Variants in CYP7B1 observed in about 807,000 individuals in gnomAD.
CYP7B1 encodes cytochrome P450 family 7 subfamily B member 1, also known as cytochrome P450 7B1.
CYP7B1 carries 29 observed loss-of-function variants against 42.7 expected under a neutral mutation model. That is an observed-to-expected ratio of 0.68 (90% confidence interval 0.51 to 0.93). The LOEUF (loss-of-function observed/expected upper bound fraction) is 0.93. Ranked by LOEUF, CYP7B1 falls within the 40% of genes least tolerant of loss-of-function variation. The pLI is 0.00. For synonymous variants in CYP7B1, 235 were observed against 218.2 expected, an observed-to-expected ratio of 1.08 and a Z score of -0.68; for missense variants, 655 against 600.5, an observed-to-expected ratio of 1.09 and a Z score of -0.95.
chr8:64,735,543 G>A (rs956609743), intron 1 of CYP7B1, among the ~76,000 whole-genome samples: 4 of 151,974 alleles, frequency 2.6e-5, no homozygotes, highest in South Asian at 4.2e-4. Flanking sequence ...TTCAGCTGAC[G>A]GTGATATTTA....
rs116912422 is a variant in CYP7B1 at position 64,796,426 on chromosome 8, G to A, written c.122+2040C>T. ...GAAAATTTGGGATAAAAATGAAGCT[G>A]CATTTTCTTTATGTATCAGATTGGC... On this transcript the variant is annotated intron_variant, in intron 1 of 5. Transcript: ENST00000310193. 8.2e-3 allele frequency among the ~76,000 whole-genome samples: 1,244 copies of A among 152,250 alleles called. 8 individuals are homozygous for A. Among genetic ancestry groups the A allele is most frequent in the South Asian group, 0.028 (137 of 4,820 alleles).
At chr8:64,641,751 G>A (rs1022262476) in intron 1 of CYP7B1, among the ~76,000 whole-genome samples, 1 of 152,098 alleles carries the variant, frequency 6.6e-6, no homozygotes, top group Non-Finnish European at 1.5e-5. Context: ...CTCTTTGGCT[G>A]ATGAACTGTT....
intron 1 of CYP7B1, among the ~76,000 whole-genome samples, chr8:64,632,130 C>T (rs1462055640): frequency 6.6e-6 from 1 of 152,072 alleles, no homozygotes; most frequent in African/African-American, 2.4e-5. Flanking sequence ...TTCTAGTGTT[C>T]TTGAAGGGCT....
chr8:64,766,063 T>C (rs1386817463), intron 1 of CYP7B1, among the ~76,000 whole-genome samples: 1 of 152,102 alleles, frequency 6.6e-6, no homozygotes, highest in Non-Finnish European at 1.5e-5. Context: ...AGGTCAATGA[T>C]AGGATGACAA....
intron 1 of CYP7B1, among the ~76,000 whole-genome samples, chr8:64,735,052 A>C (rs1807466692): frequency 6.6e-6 from 1 of 152,190 alleles, no homozygotes; most frequent in African/African-American, 2.4e-5. Flanking sequence ...GAGGTGGACC[A>C]TGGACCAGTA....
At chr8:64,733,988 A>G (rs562892557) in intron 1 of CYP7B1, among the ~76,000 whole-genome samples, 1 of 151,932 alleles carries the variant, frequency 6.6e-6, no homozygotes, top group South Asian at 2.1e-4. Flanking sequence ...TATTAAAATT[A>G]AAATTAAAAA....
intron 1 of CYP7B1, among the ~76,000 whole-genome samples, chr8:64,688,288 T>C (rs942080123): frequency 1.6e-4 from 25 of 152,214 alleles, no homozygotes; most frequent in African/African-American, 5.8e-4. Flanking sequence ...GTGGTGGCCA[T>C]AGTGACTACA....
Position 64,615,069 on chromosome 8 carries a change from G to A in CYP7B1, c.1014C>T (p.Pro338=), listed in dbSNP as rs745511463. 1.2e-6 allele frequency: 2 copies of A among 1,613,550 alleles called. No homozygotes were observed. Among genetic ancestry groups the A allele is most frequent in the Non-Finnish European group, 1.7e-6 (2 of 1,179,738 alleles). The change falls in exon 4 of 6, where the codon CCC becomes CCT. Residue 338 remains proline, a synonymous_variant. Transcript: ENST00000310193. ...CCAATTGTTCTCTGGTGAGGTGGAT[G>A]GGAAATCCAGACCCTTTCTTTTGAC... ...STGQKKGSGF[P]IHLTREQLDS...
intron 1 of CYP7B1, among the ~76,000 whole-genome samples, chr8:64,757,531 T>C (rs1337646321): frequency 6.6e-6 from 1 of 152,182 alleles, no homozygotes; most frequent in Non-Finnish European, 1.5e-5. Context: ...TCATGGAGAC[T>C]CCCAGGCCTA....
intron 1 of CYP7B1, among the ~76,000 whole-genome samples, chr8:64,738,142 T>A (rs1249812348): frequency 6.6e-6 from 1 of 152,214 alleles, no homozygotes; most frequent in African/African-American, 2.4e-5. Flanking sequence ...ATACCTCTAC[T>A]GAGAAAAGAA....
intron 5 of CYP7B1, among the ~76,000 whole-genome samples, chr8:64,603,415 T>C (rs570457959): frequency 1.3e-5 from 2 of 152,306 alleles, no homozygotes; most frequent in Non-Finnish European, 2.9e-5. Flanking sequence ...TTTACCATCA[T>C]GATATGAATA....
chr8:64,683,646 GA>G (rs1806573870), intron 1 of CYP7B1, among the ~76,000 whole-genome samples: 2 of 152,102 alleles, frequency 1.3e-5, no homozygotes, highest in African/African-American at 4.8e-5. Flanking sequence ...TGAGGAGATG[GA>G]TACCCCATTT....
At chr8:64,622,007 TC>T (rs1413790892) in intron 2 of CYP7B1, among the ~76,000 whole-genome samples, 1 of 152,000 alleles carries the variant, frequency 6.6e-6, no homozygotes, top group Non-Finnish European at 1.5e-5. Flanking sequence ...CTGGCCAGCT[TC>T]CAGGCAAAGG....
intron 1 of CYP7B1, among the ~76,000 whole-genome samples, chr8:64,694,449 G>A (rs1806794064): frequency 6.6e-6 from 1 of 152,202 alleles, no homozygotes; most frequent in South Asian, 2.1e-4. Context: ...TTCTGCTAAA[G>A]TTGGAGCTCT....
rs144817654 is a variant in CYP7B1, at chr8:64,666,346, G to A, written c.123-41807C>T. On this transcript the variant is annotated intron_variant, in intron 1 of 5. Coordinates refer to ENST00000310193, the MANE Select transcript of CYP7B1 (RefSeq NM_004820.5). Reference sequence around the variant, plus strand: ...ATTCAGACAAAATTTCCTTACAGAGGTTGCAGTCTACTGAGGAAAAATAAA... The same window carrying A: ...ATTCAGACAAAATTTCCTTACAGAGATTGCAGTCTACTGAGGAAAAATAAA... Among the ~76,000 whole-genome samples, 1,268 of 152,206 alleles carry A rather than the reference G, an allele frequency of 8.3e-3. 16 individuals carry two copies. Among genetic ancestry groups the A allele is most frequent in the Non-Finnish European group, 9.4e-3 (641 of 67,998 alleles).
At chr8:64,682,762 C>A (rs77408016) in intron 1 of CYP7B1, among the ~76,000 whole-genome samples, 5,203 of 152,270 alleles carry the variant, frequency 0.034, 269 homozygotes, top group African/African-American at 0.12. Flanking sequence ...GGAGACACGT[C>A]AGCTCGTATC....
chr8:64,617,062 G>A (rs566710254), intron 2 of CYP7B1, among the ~76,000 whole-genome samples: 1 of 152,226 alleles, frequency 6.6e-6, no homozygotes, highest in Non-Finnish European at 1.5e-5. Context: ...ATACGGCAGG[G>A]GTGAAACACA....
intron 1 of CYP7B1, among the ~76,000 whole-genome samples, chr8:64,760,002 G>T (rs141280593): frequency 1.1e-3 from 160 of 152,158 alleles, no homozygotes; most frequent in African/African-American, 3.7e-3. Flanking sequence ...GTAGATATAA[G>T]ATTTTTGAAG....
intron 1 of CYP7B1, among the ~76,000 whole-genome samples, chr8:64,722,740 C>CGGG (rs1807258623): frequency 1.7e-4 from 1 of 5,824 alleles, no homozygotes; most frequent in African/African-American, 4.6e-4. Context: ...TGATTTTTTG[C>CGGG]GGCGGGGGGG....
Sources: gnomAD v4.1 joint callset for allele counts (sites outside exome capture counted in the v4.1 genomes callset) on GRCh38, gnomAD v4.1.1 for gene constraint, MANE v1.5 for transcripts, NCBI Gene and HGNC (gene_info 2026-07-23, HGNC 2026-07-21) for gene names.